Variants in GC observed in about 807,000 individuals in gnomAD.
GC encodes vitamin D-binding protein.
Under a neutral mutation model 56.7 loss-of-function variants are expected in GC, and 43 were observed. The ratio of observed to expected loss-of-function variants is 0.76; its 90% CI spans 0.59 to 0.98. The LOEUF (loss-of-function observed/expected upper bound fraction) is 0.98, where lower values mean the gene tolerates loss of function less well. Among genes scored for constraint, GC ranks in the 50% least tolerant of loss-of-function variants. The pLI, the probability that GC is intolerant of heterozygous loss-of-function variation, is 0.00. For missense variants in GC, 529 were observed against 545.9 expected, an observed-to-expected ratio of 0.97 and a Z score of 0.31; for synonymous variants, 216 against 202.7, an observed-to-expected ratio of 1.07 and a Z score of -0.56.
At chr4:71,763,076 GT>G (rs938416592) in intron 6 of GC, among the ~76,000 whole-genome samples, 1 of 151,990 alleles carries the variant, frequency 6.6e-6, no homozygotes, top group African/African-American at 2.4e-5. Context: ...AAAAGGTTGT[GT>G]TTTTTTGGTT....
upstream of GC, among the ~76,000 whole-genome samples, chr4:71,788,972 G>A (rs187953356): frequency 3.2e-4 from 48 of 151,922 alleles, no homozygotes; most frequent in Admixed American, 2.5e-3. Context: ...TTAAAAAATG[G>A]TTTTATAATA....
intron 12 of GC, 89 bp from the exon 13 acceptor site, chr4:71,741,959 C>A: frequency 4.3e-6 from 3 of 698,474 alleles, no homozygotes; most frequent in South Asian, 1.5e-5. Flanking sequence ...CATATAAACT[C>A]ATGCTATTTT....
chr4:71,762,692 A>G (rs1240411128), intron 6 of GC, among the ~76,000 whole-genome samples: 1 of 152,140 alleles, frequency 6.6e-6, no homozygotes, highest in Non-Finnish European at 1.5e-5. Context: ...TGTTCTCATG[A>G]TAGTGAATGA....
intron 3 of GC, among the ~76,000 whole-genome samples, chr4:71,766,532 T>A (rs1742164525): frequency 1.3e-5 from 2 of 152,286 alleles, no homozygotes; most frequent in South Asian, 4.1e-4. Flanking sequence ...TGGAAAAAAT[T>A]ACTTTGGGAT....
At chr4:71,760,567 A>T (rs1246346675) in intron 6 of GC, among the ~76,000 whole-genome samples, 1 of 152,222 alleles carries the variant, frequency 6.6e-6, no homozygotes, top group Non-Finnish European at 1.5e-5. Flanking sequence ...ACAAGTTAAC[A>T]GTAGTCATAC....
intron 1 of GC, among the ~76,000 whole-genome samples, chr4:71,782,273 TC>T (rs1186757093): frequency 3.3e-5 from 5 of 151,706 alleles, no homozygotes; most frequent in Non-Finnish European, 5.9e-5. Context: ...TTCTCAGAAC[TC>T]CCTTAATCTG....
chr4:71,784,139 T>C, upstream of GC: 1 of 1,420,906 alleles, frequency 7.0e-7, no homozygotes, highest in South Asian at 1.7e-5. Context: ...AATCAATTAT[T>C]AATCTCAGAA....
At chr4:71,756,657 T>A (rs1422467671) in intron 8 of GC, 55 bp downstream of exon 8, 3 of 1,295,044 alleles carry the variant, frequency 2.3e-6, no homozygotes, top group Non-Finnish European at 3.4e-6. Context: ...TGGCCCCCAC[T>A]TTTTGTCCAG....
intron 3 of GC, among the ~76,000 whole-genome samples, 178 bp downstream of exon 3, chr4:71,768,123 G>A (rs1001004379): frequency 6.6e-6 from 1 of 152,234 alleles, no homozygotes; most frequent in Non-Finnish European, 1.5e-5. Context: ...GGAATAATGG[G>A]TAATATTGAC....
intron 7 of GC, 130 bp from the exon 8 acceptor site, chr4:71,757,044 AT>A (rs1177655436): frequency 7.9e-6 from 5 of 633,222 alleles, no homozygotes; most frequent in Non-Finnish European, 1.4e-5. Flanking sequence ...CAGAAAGAAA[AT>A]TGGTACAATA....
chr4:71,774,447 T>C (rs908407420), intron 1 of GC, among the ~76,000 whole-genome samples: 1 of 151,866 alleles, frequency 6.6e-6, no homozygotes, highest in African/African-American at 2.4e-5. Flanking sequence ...CCCACCTCTC[T>C]TTCCTTTTGT....
intron 4 of GC, 54 bp downstream of exon 4, chr4:71,765,378 A>G (rs1742120910): frequency 3.7e-6 from 5 of 1,360,092 alleles, no homozygotes; most frequent in Non-Finnish European, 5.3e-6. Flanking sequence ...GTTAGATTAG[A>G]GTCATTTCTG....
intron 2 of GC, 134 bp downstream of exon 2, chr4:71,769,197 T>G (rs2149302096): frequency 1.6e-6 from 1 of 633,608 alleles, no homozygotes; most frequent in Admixed American, 2.8e-5. Context: ...TGTGCCTACC[T>G]TGGGCCTGGG....
intron 10 of GC, 89 bp from the exon 11 acceptor site, chr4:71,752,739 T>C: frequency 8.6e-7 from 1 of 1,165,358 alleles, no homozygotes; most frequent in Non-Finnish European, 1.2e-6. Flanking sequence ...TCAGATCTTT[T>C]ACAATAAAAA....
chr4:71,763,241 T>C (rs1233057159), intron 6 of GC, among the ~76,000 whole-genome samples, 167 bp downstream of exon 6: 2 of 152,150 alleles, frequency 1.3e-5, no homozygotes, highest in African/African-American at 4.8e-5. Flanking sequence ...TCATAATCTG[T>C]ATAGAGAAAA....
chr4:71,747,527 G>A (rs1741414012), intron 11 of GC, among the ~76,000 whole-genome samples: 1 of 152,130 alleles, frequency 6.6e-6, no homozygotes, highest in South Asian at 2.1e-4. Flanking sequence ...ATACTTATGG[G>A]TATCAACTGT....
intron 1 of GC, 67 bp from the exon 2 acceptor site, chr4:71,769,467 G>A (rs368747058): frequency 1.3e-4 from 128 of 1,022,302 alleles, no homozygotes; most frequent in East Asian, 2.7e-4. Context: ...ACATGTACAT[G>A]TATAAAGTGA....
At chr4:71,786,658 T>C (rs112777420), upstream of GC, among the ~76,000 whole-genome samples, 1 of 151,838 alleles carries the variant, frequency 6.6e-6, no homozygotes, top group Non-Finnish European at 1.5e-5. Flanking sequence ...CCAGGCAAAA[T>C]TGTGAGGCAG....
At chr4:71,753,818 T>C (rs1741631679) in intron 10 of GC, among the ~76,000 whole-genome samples, 1 of 152,240 alleles carries the variant, frequency 6.6e-6, no homozygotes, top group Admixed American at 6.5e-5. Context: ...TGAAGTTAGA[T>C]AACATTTTTA....
Sources: gnomAD v4.1 joint callset for allele counts (sites outside exome capture counted in the v4.1 genomes callset) on GRCh38, gnomAD v4.1.1 for gene constraint, MANE v1.5 for transcripts, NCBI Gene and HGNC (gene_info 2026-07-23, HGNC 2026-07-21) for gene names.